CTCF: variants seen among roughly 807,000 people sequenced by gnomAD.
CTCF encodes transcriptional repressor CTCF.
A neutral mutation model predicts 72.3 loss-of-function variants in CTCF; 7 were observed. That is an observed-to-expected ratio of 0.10 (90% CI 0.06 to 0.18). CTCF has a LOEUF of 0.18. Ranked by LOEUF, CTCF falls within the 10% of genes least tolerant of loss-of-function variation. The pLI is 1.00. For synonymous variants in CTCF, 374 were observed against 315.8 expected (o/e 1.18, Z -1.95); for missense variants, 516 against 949.1 (o/e 0.54, Z 6.00).
intron 4 of CTCF, among the ~76,000 whole-genome samples, chr16:67,614,006 C>G (rs1220300477): frequency 6.6e-6 from 1 of 152,032 alleles, no homozygotes; most frequent in Admixed American, 6.6e-5. Context: ...TTTTCATGTT[C>G]CAGATGCAGT....
Position 67,638,085 on chromosome 16 carries a change from T to C in CTCF, c.*213T>C. The C allele has an allele frequency of 1.8e-6, 1 of 541,540 alleles. No homozygotes were observed. Among genetic ancestry groups the C allele is most frequent in the East Asian group, 2.9e-5 (1 of 34,764 alleles). 33.5% of individuals were successfully genotyped at this position (541,540 alleles called of 1,614,324 possible). On this transcript the variant is annotated 3_prime_UTR_variant, in exon 12 of 12. Coordinates refer to ENST00000264010, the MANE Select transcript of CTCF (RefSeq NM_006565.4). ...TTAGCAAATCATGGAATGTTCTGAG[T>C]CCCTGAGGGTTTACTGTGAAGTGCT...
chr16:67,621,607 AGTG>A lies in CTCF; in HGVS notation c.1357+17_1357+19del. 6.4e-7 allele frequency: 1 copy of A among 1,563,208 alleles called. No individual in the cohort carries two copies. Among genetic ancestry groups the A allele is most frequent in the Admixed American group, 1.7e-5 (1 of 58,234 alleles). On this transcript the variant is annotated intron_variant, in intron 7 of 11. Transcript: ENST00000264010. ...AGTGATTTGGGTAAGTAGATTAACT[AGTG>A]AGAAGTGAAAAAAATATTTTGAAGG...
At chr16:67,586,704 G>A (rs759158119) in intron 2 of CTCF, among the ~76,000 whole-genome samples, 1 of 151,724 alleles carries the variant, frequency 6.6e-6, no homozygotes, top group African/African-American at 2.4e-5. Context: ...TTCTACATGT[G>A]TATCTTTGTT....
chr16:67,589,856 A>G (rs2051715875), intron 2 of CTCF, among the ~76,000 whole-genome samples: 1 of 152,106 alleles, frequency 6.6e-6, no homozygotes, highest in South Asian at 2.1e-4. Flanking sequence ...GGAGACCAAG[A>G]TGGCTGGATC....
rs934771035 is a variant in CTCF at position 67,637,559 on chromosome 16, G to C, written c.2000-129G>C. The C allele has an allele frequency of 1.3e-5, 9 of 707,950 alleles. No homozygotes were observed. In the Admixed American group the frequency reaches 1.8e-4, roughly 14 times the overall value. 43.9% of individuals were successfully genotyped at this position (707,950 alleles called of 1,614,324 possible). A position where few individuals can be genotyped will look rare whatever the true frequency, so the allele number is the denominator to read the frequency against. On this transcript the variant is annotated intron_variant, in intron 11 of 11. Transcript: ENST00000264010. ...AAATAAAATAAAAAATAAATTGACT[G>C]TCTCTGGACCGCTATCTAATAAGGC...
Position 67,638,084 on chromosome 16 carries a change from G to A in CTCF, c.*212G>A. ...GTTAGCAAATCATGGAATGTTCTGA[G>A]TCCCTGAGGGTTTACTGTGAAGTGC... On this transcript the variant is annotated 3_prime_UTR_variant, in exon 12 of 12. Coordinates refer to ENST00000264010, the MANE Select transcript of CTCF (RefSeq NM_006565.4). The A allele has an allele frequency of 1.8e-6, 1 of 541,344 alleles. No individual in the cohort carries two copies. Among genetic ancestry groups the A allele is most frequent in the East Asian group, 2.9e-5 (1 of 34,754 alleles). 33.5% of individuals were successfully genotyped at this position (541,344 alleles called of 1,614,324 possible).
chr16:67,632,902 T>C (rs2142878255), intron 10 of CTCF, among the ~76,000 whole-genome samples: 1 of 152,336 alleles, frequency 6.6e-6, no homozygotes, highest in East Asian at 1.9e-4. Flanking sequence ...AGAGTGCATG[T>C]TAATAACCCG....
intron 7 of CTCF, among the ~76,000 whole-genome samples, chr16:67,623,128 G>A (rs965817447): frequency 6.9e-6 from 1 of 144,978 alleles, no homozygotes; most frequent in Admixed American, 6.9e-5. Flanking sequence ...GCTAATTTTT[G>A]TATTTTTAGT....
chr16:67,581,033 A>G (rs990287925), intron 2 of CTCF, among the ~76,000 whole-genome samples: 2 of 152,002 alleles, frequency 1.3e-5, no homozygotes, highest in African/African-American at 4.8e-5. Flanking sequence ...GGTTCACGCC[A>G]TTCTCCTGCC....
At chr16:67,624,359 AC>A (rs1198611647) in intron 7 of CTCF, among the ~76,000 whole-genome samples, 1 of 151,030 alleles carries the variant, frequency 6.6e-6, no homozygotes, top group East Asian at 1.9e-4. Flanking sequence ...GTCATGAATG[AC>A]CCCACTCTCT....
At chr16:67,630,781 C>T (rs1310619019) in intron 10 of CTCF, among the ~76,000 whole-genome samples, 2 of 152,052 alleles carry the variant, frequency 1.3e-5, no homozygotes, top group Non-Finnish European at 2.9e-5. Flanking sequence ...TGCCAAGCCT[C>T]ACAAAGAGGG....
At chr16:67,614,701 G>A (rs2052108497) in intron 4 of CTCF, 1 of 152,316 alleles carries the variant, frequency 6.6e-6, no homozygotes, top group African/African-American at 2.4e-5. Context: ...TACAAAATTA[G>A]CCGGGTGTGG....
At chr16:67,627,057 A>T (rs1364793127) in intron 8 of CTCF, 1 of 187,844 alleles carries the variant, frequency 5.3e-6, no homozygotes, top group Non-Finnish European at 1.1e-5. Context: ...AAGCAGCTCT[A>T]TCTGTGCTAC....
rs2052434832 is a variant in CTCF, at chr16:67,636,674, C to T, written c.1838-16C>T. 1 of 1,578,492 alleles carries T rather than the reference C, an allele frequency of 6.3e-7. No individual in the cohort carries two copies. The highest frequency in any genetic ancestry group is 1.4e-5 in the African/African-American group (1 of 73,642). On this transcript the variant is annotated splice_polypyrimidine_tract_variant and intron_variant, in intron 10 of 11. Transcript: ENST00000264010. ...CTCCTTGCCCCACCACCTGTGCTTC[C>T]TGATTTCATGAAAAGAAAATGCTGA...
intron 2 of CTCF, among the ~76,000 whole-genome samples, chr16:67,599,114 C>T (rs1036802980): frequency 2.0e-5 from 3 of 152,072 alleles, no homozygotes; most frequent in South Asian, 2.1e-4. Flanking sequence ...GTGGCTGAAG[C>T]GGCCGAATGT....
intron 2 of CTCF, among the ~76,000 whole-genome samples, chr16:67,574,495 C>G (rs192018371): frequency 0.012 from 1,753 of 151,868 alleles, 15 homozygotes; most frequent in Middle Eastern, 0.024. Flanking sequence ...GCGTTCACCC[C>G]CACGCCTGGC....
rs1376870568 is a variant in CTCF at position 67,621,783 on chromosome 16, CT to C, written c.1357+194del. ...TTTTTTTTTTCTATTTCTTCCTTTTCTTACTGTAGTCAGGCCACAAGATTCT... is the reference window on the plus strand; with the variant it reads ...TTTTTTTTTTCTATTTCTTCCTTTTCTACTGTAGTCAGGCCACAAGATTCT... On this transcript the variant is annotated intron_variant, in intron 7 of 11. Transcript: ENST00000264010. Among the ~76,000 whole-genome samples, 213 of 50,240 alleles carry C rather than the reference CT, an allele frequency of 4.2e-3. 1 individual carries two copies. Among genetic ancestry groups the C allele is most frequent in the African/African-American group, 0.024 (204 of 8,614 alleles). 33.0% of individuals were successfully genotyped at this position (50,240 alleles called of 152,430 possible). A position where few individuals can be genotyped will look rare whatever the true frequency, so the allele number is the denominator to read the frequency against.
chr16:67,629,806 G>C (rs71393958), intron 10 of CTCF, among the ~76,000 whole-genome samples: 2 of 93,112 alleles, frequency 2.1e-5, no homozygotes, highest in African/African-American at 4.3e-5. Flanking sequence ...ACGGAGTCTC[G>C]CTCTGTCGCC....
chr16:67,571,713 C>T (rs1444609788), intron 2 of CTCF, among the ~76,000 whole-genome samples: 2 of 152,088 alleles, frequency 1.3e-5, no homozygotes. Flanking sequence ...TGATAAGAAA[C>T]AGATGGAATC....
Sources: allele counts gnomAD v4.1 joint callset (sites outside exome capture counted in the v4.1 genomes callset), GRCh38; gene constraint gnomAD v4.1.1; transcripts MANE v1.5; gene names NCBI Gene and HGNC (gene_info 2026-07-23, HGNC 2026-07-21).